Variants in DYNLT3 observed in about 807,000 individuals in gnomAD.
DYNLT3 encodes dynein light chain Tctex-type 3.
Under a neutral mutation model 11.0 loss-of-function variants are expected in DYNLT3, and 4 were observed. That is an observed-to-expected ratio of 0.36 (90% confidence interval 0.18 to 0.83). The LOEUF (loss-of-function observed/expected upper bound fraction) is 0.83. Ranked by LOEUF, DYNLT3 falls within the 40% of genes least tolerant of loss-of-function variation. DYNLT3 has a pLI of 0.47. For missense variants in DYNLT3, 91 were observed against 91.1 expected, an observed-to-expected ratio of 1.00 and a Z score of 0.01; for synonymous variants, 37 against 31.2, an observed-to-expected ratio of 1.18 and a Z score of -0.61.
intron 2 of DYNLT3, among the ~76,000 whole-genome samples, chrX:37,843,069 T>C (rs17146366): frequency 0.016 from 1,776 of 112,304 alleles, 39 homozygotes; most frequent in African/African-American, 0.054. Flanking sequence ...TTAAGTTGGA[T>C]AGTATAAAAT....
At chrX:37,844,455 A>C (rs1392114197) in intron 2 of DYNLT3, among the ~76,000 whole-genome samples, 1 of 112,254 alleles carries the variant, frequency 8.9e-6, no homozygotes, top group East Asian at 2.8e-4. Flanking sequence ...TGATTTATGA[A>C]TTATAGGCAA....
chrX:37,844,140 T>C (rs1485826370), intron 2 of DYNLT3, among the ~76,000 whole-genome samples: 1 of 112,312 alleles, frequency 8.9e-6, no homozygotes, highest in Non-Finnish European at 1.9e-5. Flanking sequence ...CTCACAAATA[T>C]TCAAGAAAAA....
At chrX:37,840,750 A>T in intron 4 of DYNLT3, 99 bp from the exon 5 acceptor site, 1 of 314,311 alleles carries the variant, frequency 3.2e-6, no homozygotes, top group Non-Finnish European at 5.3e-6. Flanking sequence ...ACACACACAT[A>T]TACACACACA....
chrX:37,840,422 T>C lies in DYNLT3; in HGVS notation c.*153A>G. 3 of 398,281 alleles carry C rather than the reference T, an allele frequency of 7.5e-6. No individual in the cohort carries two copies. The highest frequency in any genetic ancestry group is 2.6e-5 in the African/African-American group (1 of 39,154). 32.8% of individuals were successfully genotyped at this position (398,281 alleles called of 1,213,427 possible). A position where few individuals can be genotyped will look rare whatever the true frequency, so the allele number is the denominator to read the frequency against. ...AGCTAATCTGCCAATTACTATGATA[T>C]TGCTTGCTTATAATATTCAGTTTTT... On this transcript the variant is annotated 3_prime_UTR_variant, in exon 5 of 5. Coordinates refer to ENST00000378578, the MANE Select transcript of DYNLT3 (RefSeq NM_006520.3).
At chrX:37,847,454 C>G (rs1339144407) in intron 1 of DYNLT3, 27 bp downstream of exon 1, 2 of 997,041 alleles carry the variant, frequency 2.0e-6, no homozygotes, top group South Asian at 8.1e-5. Context: ...GAGTGGGGGG[C>G]GCTCCCAGGT....
At position 37,847,198 on chromosome X, in the gene DYNLT3, C is replaced by G. The variant is rs1025132935; in HGVS notation, c.30+283G>C. 10 of 1,062,132 alleles carry G rather than the reference C, an allele frequency of 9.4e-6. No individual in the cohort carries two copies. The African/African-American group carries it at 1.7e-4, about 18-fold the overall frequency. The allele number at this position is 1,062,132 out of a possible 1,213,427, so 87.5% of individuals were successfully genotyped here. Reference sequence around the variant, plus strand: ...AGGGCGGCGCCCGTCACCCCATGCCCACTCCTCGCACCCAAGTCAGGCCTC... The same window carrying G: ...AGGGCGGCGCCCGTCACCCCATGCCGACTCCTCGCACCCAAGTCAGGCCTC... On this transcript the variant is annotated intron_variant, in intron 1 of 4. Transcript: ENST00000378578.
chrX:37,846,999 G>C (rs778360020), intron 1 of DYNLT3: 6 of 1,163,683 alleles, frequency 5.2e-6, no homozygotes, highest in African/African-American at 3.6e-5. Context: ...GCAAGGGCTC[G>C]TAATCCATAA....
intron 2 of DYNLT3, among the ~76,000 whole-genome samples, chrX:37,845,933 G>A (rs1275074535): frequency 8.9e-6 from 1 of 112,447 alleles, no homozygotes; most frequent in East Asian, 2.8e-4. Context: ...CACTTTGGGA[G>A]GCCAAGGCGG....
At chrX:37,844,051 T>C (rs957273064) in intron 2 of DYNLT3, among the ~76,000 whole-genome samples, 2 of 111,849 alleles carry the variant, frequency 1.8e-5, no homozygotes, top group Middle Eastern at 4.6e-3. Flanking sequence ...GAGAAGCTTG[T>C]TTTGACTACA....
intron 1 of DYNLT3, among the ~76,000 whole-genome samples, chrX:37,846,619 T>G (rs766163513): frequency 2.4e-4 from 27 of 111,886 alleles, no homozygotes; most frequent in Non-Finnish European, 4.5e-4. Context: ...ATGAACATCC[T>G]AGATTAAGAA....
In DYNLT3 at chrX:37,840,076, A is replaced by C. The variant is rs1016183789; in HGVS notation, c.*499T>G. On this transcript the variant is annotated 3_prime_UTR_variant, in exon 5 of 5. Transcript: ENST00000378578. ...ATACTATTAGTTGATAGAAAATTAA[A>C]AAAATTATTACTTTCCACTAAATAT... is the stretch of plus-strand genomic sequence containing the variant. 9.4e-6 allele frequency: 1 copy of C among 106,758 alleles called. No homozygotes were observed. The highest frequency in any genetic ancestry group is 1.9e-5 in the Non-Finnish European group (1 of 52,032). 8.8% of individuals were successfully genotyped at this position (106,758 alleles called of 1,213,427 possible). A position where few individuals can be genotyped will look rare whatever the true frequency, so the allele number is the denominator to read the frequency against.
At chrX:37,841,323 T>C (rs1328587483) in intron 3 of DYNLT3, among the ~76,000 whole-genome samples, 9 of 112,451 alleles carry the variant, frequency 8.0e-5, no homozygotes, top group Admixed American at 7.5e-4. Flanking sequence ...CTGGATTCAG[T>C]TGGTTTTCTG....
At chrX:37,841,340 G>A (rs754374581) in intron 3 of DYNLT3, among the ~76,000 whole-genome samples, 2 of 112,140 alleles carry the variant, frequency 1.8e-5, no homozygotes, top group Non-Finnish European at 3.8e-5. Context: ...TCTGACCATT[G>A]TCATTACCAT....
intron 2 of DYNLT3, among the ~76,000 whole-genome samples, chrX:37,845,924 A>G (rs1930259035): frequency 8.9e-6 from 1 of 112,504 alleles, no homozygotes; most frequent in East Asian, 2.8e-4. Flanking sequence ...CAATCCCAGC[A>G]CTTTGGGAGG....
At chrX:37,847,345 A>T in intron 1 of DYNLT3, 136 bp downstream of exon 1, 2 of 905,703 alleles carry the variant, frequency 2.2e-6, no homozygotes, top group Non-Finnish European at 2.9e-6. Context: ...TCCCGGGCCC[A>T]GGGGAGAGGA....
chrX:37,844,368 T>G (rs944345756), intron 2 of DYNLT3, among the ~76,000 whole-genome samples: 76 of 111,884 alleles, frequency 6.8e-4, no homozygotes, highest in African/African-American at 2.3e-3. Flanking sequence ...CAGAGGAAAC[T>G]CATCAGTGTA....
chrX:37,842,792 A>G (rs1002705960), intron 2 of DYNLT3, among the ~76,000 whole-genome samples: 2 of 112,300 alleles, frequency 1.8e-5, no homozygotes, highest in Admixed American at 1.9e-4. Context: ...CAGGACTAGC[A>G]CAGAGTTAGC....
rs1930119568 is a variant in DYNLT3, at chrX:37,840,468, T to C, written c.*107A>G. Reference sequence around the variant, plus strand: ...TTTTTGTTGATAGCTTTAAAGCATATTGCACGCTTTTCATCTAGCACACTA... The same window carrying C: ...TTTTTGTTGATAGCTTTAAAGCATACTGCACGCTTTTCATCTAGCACACTA... On this transcript the variant is annotated 3_prime_UTR_variant, in exon 5 of 5. Transcript: ENST00000378578. 4.7e-6 allele frequency: 3 copies of C among 637,343 alleles called. No individual in the cohort carries two copies. Among genetic ancestry groups the C allele is most frequent in the African/African-American group, 2.3e-5 (1 of 43,485 alleles). The allele number at this position is 637,343 out of a possible 1,213,427, so 52.5% of individuals were successfully genotyped here. A position where few individuals can be genotyped will look rare whatever the true frequency, so the allele number is the denominator to read the frequency against.
At chrX:37,845,339 G>A (rs1569482132) in intron 2 of DYNLT3, among the ~76,000 whole-genome samples, 1 of 112,262 alleles carries the variant, frequency 8.9e-6, no homozygotes, top group African/African-American at 3.2e-5. Flanking sequence ...AGACCTGGGT[G>A]TCAAAAAATA....
Sources: gnomAD v4.1 joint callset for allele counts (sites outside exome capture counted in the v4.1 genomes callset) on GRCh38, gnomAD v4.1.1 for gene constraint, MANE v1.5 for transcripts, NCBI Gene and HGNC (gene_info 2026-07-23, HGNC 2026-07-21) for gene names.